ATP11B: variants seen among roughly 807,000 people sequenced by gnomAD.
The protein encoded by ATP11B is ATPase phospholipid transporting 11B (putative).
Under a neutral mutation model 157.8 loss-of-function variants are expected in ATP11B, and 81 were observed. The ratio of observed to expected loss-of-function variants is 0.51; its 90% confidence interval spans 0.43 to 0.62. ATP11B has a LOEUF of 0.62. Among genes scored for constraint, ATP11B ranks in the 20% least tolerant of loss-of-function variants. The probability of loss-of-function intolerance (pLI) is 0.00; values close to 1 mark genes in which losing one functional copy is unlikely to be tolerated. For synonymous variants in ATP11B, 451 were observed against 469.4 expected (o/e 0.96, Z 0.51); for missense variants, 1,165 against 1,402.2 (o/e 0.83, Z 2.70).
chr3:182,895,898 G>A (rs1308742246), intron 25 of ATP11B, among the ~76,000 whole-genome samples: 2 of 152,124 alleles, frequency 1.3e-5, no homozygotes, highest in East Asian at 3.9e-4. Flanking sequence ...AGATACGATA[G>A]GGCTCTTTCT....
intron 7 of ATP11B, 46 bp from the exon 8 acceptor site, chr3:182,842,029 G>A (rs539462690): frequency 2.5e-6 from 3 of 1,198,940 alleles, no homozygotes; most frequent in Admixed American, 1.9e-5. Flanking sequence ...AGCCATTGAT[G>A]TCATAAGTGA....
chr3:182,861,678 T>C (rs1720851825), intron 12 of ATP11B, among the ~76,000 whole-genome samples: 1 of 152,206 alleles, frequency 6.6e-6, no homozygotes, highest in Non-Finnish European at 1.5e-5. Flanking sequence ...AAATTGTCTC[T>C]TATTGTATCA....
At chr3:182,847,500 T>TCC (rs1719627290) in intron 9 of ATP11B, among the ~76,000 whole-genome samples, 1 of 152,192 alleles carries the variant, frequency 6.6e-6, no homozygotes, top group Non-Finnish European at 1.5e-5. Context: ...CCTCTCCCTA[T>TCC]TGGATCATTC....
chr3:182,921,030 T>TA lies in ATP11B; in HGVS notation c.*2927dup, dbSNP rs1393668147. ...CTGGAAAAGATTGTGAGATTGAACT[T>TA]ATCTGATCGCTTGAGACTCCTAATA... On this transcript the variant is annotated 3_prime_UTR_variant, in exon 30 of 30. Transcript: ENST00000323116. 1 of 152,190 alleles carries TA rather than the reference T, an allele frequency of 6.6e-6. No homozygotes were observed. Among genetic ancestry groups the TA allele is most frequent in the Non-Finnish European group, 1.5e-5 (1 of 68,040 alleles). The allele number at this position is 152,190 out of a possible 1,614,324, so 9.4% of individuals were successfully genotyped here. A position where few individuals can be genotyped will look rare whatever the true frequency, so the allele number is the denominator to read the frequency against.
chr3:182,918,060 A>G lies in ATP11B; in HGVS notation c.3490A>G (p.Arg1164Gly). Residue 1164 changes from arginine (R) to glycine (G), a missense_variant, in exon 30 of 30, where the codon AGG becomes GGG. Arg to Gly is a moderately radical substitution (Grantham distance 125, BLOSUM62 -2). Coordinates refer to ENST00000323116, the MANE Select transcript of ATP11B (RefSeq NM_014616.3). ...SASDPFYTND[R>G]SILTLSTMDS... ...ATCGGATCCTTTCTATACCAACGACAGGAGCATCTTGACTCTCTCCACAAT... is the reference window on the plus strand; with the variant it reads ...ATCGGATCCTTTCTATACCAACGACGGGAGCATCTTGACTCTCTCCACAAT... 6.2e-7 allele frequency: 1 copy of G among 1,613,488 alleles called. No homozygotes were observed. The highest frequency in any genetic ancestry group is 8.5e-7 in the Non-Finnish European group (1 of 1,179,576).
intron 23 of ATP11B, among the ~76,000 whole-genome samples, chr3:182,886,746 A>T (rs1429715498): frequency 6.6e-6 from 1 of 152,172 alleles, no homozygotes; most frequent in African/African-American, 2.4e-5. Context: ...TATACATCTC[A>T]AATTGATCAA....
chr3:182,817,659 T>G (rs755353784), intron 1 of ATP11B, among the ~76,000 whole-genome samples: 8 of 152,234 alleles, frequency 5.3e-5, no homozygotes, highest in Non-Finnish European at 7.4e-5. Flanking sequence ...TGGTCATTGG[T>G]TCTTATCATC....
At chr3:182,847,114 G>A (rs1462893949) in intron 9 of ATP11B, among the ~76,000 whole-genome samples, 3 of 146,098 alleles carry the variant, frequency 2.1e-5, no homozygotes, top group Non-Finnish European at 3.0e-5. Context: ...ATAGTTGCAC[G>A]ATCTCGGCTC....
Position 182,837,117 on chromosome 3 carries a change from A to T in ATP11B, c.599A>T (p.Asn200Ile), listed in dbSNP as rs371920564. Reference protein sequence around the residue: ...PETALLQTVANLDTLVAVIEC... With the variant: ...PETALLQTVAILDTLVAVIEC... ...ACAGCATTATTACAAACAGTTGCCA[A>T]TTTGGACACTCTAGTAGCTGTAATA... The change falls in exon 7 of 30, where the codon AAT (asparagine) becomes ATT (isoleucine). Residue 200 changes from asparagine (N) to isoleucine (I), a missense_variant. Asn to Ile is a moderately radical substitution (Grantham distance 149, BLOSUM62 -3). Coordinates refer to ENST00000323116, the MANE Select transcript of ATP11B (RefSeq NM_014616.3). 1 of 1,613,572 alleles carries T rather than the reference A, an allele frequency of 6.2e-7. No homozygotes were observed. Among genetic ancestry groups the T allele is most frequent in the South Asian group, 1.1e-5 (1 of 91,046 alleles).
intron 8 of ATP11B, among the ~76,000 whole-genome samples, chr3:182,842,903 C>T (rs1342223841): frequency 6.6e-6 from 1 of 152,190 alleles, no homozygotes; most frequent in South Asian, 2.1e-4. Flanking sequence ...AATAATTAGT[C>T]CAGTCTATCA....
Position 182,887,769 on chromosome 3 carries a change from C to T in ATP11B, c.2843+56C>T, listed in dbSNP as rs1722897574. The T allele has an allele frequency of 1.5e-5, 23 of 1,540,830 alleles. No homozygotes were observed. The South Asian group carries it at 2.4e-4, about 16-fold the overall frequency. On this transcript the variant is annotated intron_variant, in intron 24 of 29. Transcript: ENST00000323116. The stretch of plus-strand genomic sequence containing the variant: ...TCAGTTTTTTTAAGTAAAAAATAAG[C>T]AGATTTATTTATGTCTTGGTGATTA...
chr3:182,897,527 T>A, intron 27 of ATP11B, 121 bp downstream of exon 27: 1 of 640,018 alleles, frequency 1.6e-6, no homozygotes, highest in Non-Finnish European at 2.6e-6. Context: ...TAAGTTTACT[T>A]CTTCAGTTGA....
At chr3:182,872,876 A>G (rs1270763927) in intron 18 of ATP11B, among the ~76,000 whole-genome samples, 5 of 152,228 alleles carry the variant, frequency 3.3e-5, no homozygotes, top group Admixed American at 2.0e-4. Flanking sequence ...TGTTTCAACA[A>G]TACCAAACTG....
intron 1 of ATP11B, among the ~76,000 whole-genome samples, chr3:182,816,895 C>A (rs1716998098): frequency 6.6e-6 from 1 of 151,970 alleles, no homozygotes; most frequent in Non-Finnish European, 1.5e-5. Flanking sequence ...TAGATTGTGG[C>A]TAGTTTAATT....
chr3:182,845,525 T>A lies in ATP11B; in HGVS notation c.769+3T>A. 6.3e-7 allele frequency: 1 copy of A among 1,583,928 alleles called. No individual in the cohort carries two copies. Among genetic ancestry groups the A allele is most frequent in the Admixed American group, 1.9e-5 (1 of 52,192 alleles). On this transcript the variant is annotated splice_donor_region_variant and intron_variant, in intron 9 of 29. Transcript: ENST00000323116. ...AAAAAACACAAAAGAAATTTTTGGTTTGTACATATTTAAACATTTTAAATT... is the reference window on the plus strand; with the variant it reads ...AAAAAACACAAAAGAAATTTTTGGTATGTACATATTTAAACATTTTAAATT...
intron 28 of ATP11B, among the ~76,000 whole-genome samples, chr3:182,905,396 C>G (rs1288338663): frequency 6.6e-6 from 1 of 152,038 alleles, no homozygotes; most frequent in Non-Finnish European, 1.5e-5. Flanking sequence ...ATTTCTAAGG[C>G]CATGAAGTCC....
chr3:182,862,195 A>G (rs1181956321), intron 12 of ATP11B, among the ~76,000 whole-genome samples: 2 of 151,950 alleles, frequency 1.3e-5, no homozygotes, highest in African/African-American at 4.8e-5. Flanking sequence ...TAGGAGAATC[A>G]CTTGAGCCCA....
intron 28 of ATP11B, among the ~76,000 whole-genome samples, chr3:182,904,888 TAAAAAAAAAAA>T (rs1004716420): frequency 2.0e-5 from 2 of 101,888 alleles, no homozygotes; most frequent in African/African-American, 7.8e-5. Context: ...GACTTCTTCT[TAAAAAAAAAAA>T]AAAAAAAAAA....
At chr3:182,884,970 C>A in intron 22 of ATP11B, 72 bp downstream of exon 22, 1 of 856,064 alleles carries the variant, frequency 1.2e-6, no homozygotes, top group Non-Finnish European at 1.7e-6. Context: ...ATGTTATAAC[C>A]TTATACATTT....
Sources: allele counts gnomAD v4.1 joint callset (sites outside exome capture counted in the v4.1 genomes callset), GRCh38; gene constraint gnomAD v4.1.1; transcripts MANE v1.5; gene names NCBI Gene and HGNC (gene_info 2026-07-23, HGNC 2026-07-21).